The following ANO4 variants were observed in gnomAD, a reference collection of about 807,000 sequenced individuals.
ANO4 encodes anoctamin 4.
A neutral mutation model predicts 141.9 loss-of-function variants in ANO4; 69 were observed. That is an observed-to-expected ratio of 0.49 (90% CI 0.40 to 0.59). ANO4 has a LOEUF of 0.59. Among genes scored for constraint, ANO4 ranks in the 20% least tolerant of loss-of-function variants. ANO4 has a pLI of 0.00. For missense variants in ANO4, 894 were observed against 1,162.2 expected, an observed-to-expected ratio of 0.77 and a Z score of 3.36; for synonymous variants, 350 against 394.3, an observed-to-expected ratio of 0.89 and a Z score of 1.33.
At chr12:100,718,000 TCTGA>T (rs1167539598) in intron 1 of ANO4, among the ~76,000 whole-genome samples, 1 of 152,186 alleles carries the variant, frequency 6.6e-6, no homozygotes, top group Non-Finnish European at 1.5e-5. Context: ...AGAACATCTC[TCTGA>T]CAGATGCTGT....
chr12:100,730,943 C>T (rs2031356829), intron 1 of ANO4, among the ~76,000 whole-genome samples: 1 of 152,174 alleles, frequency 6.6e-6, no homozygotes, highest in Admixed American at 6.5e-5. Flanking sequence ...TTTGTCAATA[C>T]TTCCCAACTG....
chr12:101,099,299 T>G (rs912007917), intron 21 of ANO4, among the ~76,000 whole-genome samples: 1 of 152,166 alleles, frequency 6.6e-6, no homozygotes, highest in Non-Finnish European at 1.5e-5. Context: ...TTATAGATAT[T>G]CTCAGTCCTC....
chr12:101,026,891 T>C (rs1057110002), intron 9 of ANO4, among the ~76,000 whole-genome samples: 5 of 152,096 alleles, frequency 3.3e-5, no homozygotes, highest in African/African-American at 1.2e-4. Context: ...GACTTCAAAA[T>C]TAAAACTTCC....
chr12:101,042,045 C>G (rs2136625121), intron 11 of ANO4, among the ~76,000 whole-genome samples: 1 of 152,310 alleles, frequency 6.6e-6, no homozygotes, highest in Middle Eastern at 3.4e-3. Context: ...CCTGGTTGGT[C>G]TCCCTTTGCC....
chr12:101,103,183 TTATATATATATATATATA>T (rs71091476), intron 22 of ANO4, among the ~76,000 whole-genome samples: 5 of 18,584 alleles, frequency 2.7e-4, no homozygotes, highest in African/African-American at 1.0e-3. Context: ...TTTAGTCATT[TTATATATATATATATATA>T]TATATATATA....
intron 3 of ANO4, among the ~76,000 whole-genome samples, chr12:100,935,405 C>T (rs1365123858): frequency 1.3e-5 from 2 of 152,144 alleles, no homozygotes; most frequent in Admixed American, 1.3e-4. Flanking sequence ...TATTGTTTTG[C>T]ATATGTTGAA....
chr12:100,836,280 T>C (rs2036906276), intron 1 of ANO4, among the ~76,000 whole-genome samples: 1 of 152,146 alleles, frequency 6.6e-6, no homozygotes, highest in Admixed American at 6.5e-5. Flanking sequence ...TTGAAAAATA[T>C]GTGTCTGCCA....
At chr12:100,894,953 G>A (rs1321431669) in intron 1 of ANO4, among the ~76,000 whole-genome samples, 1 of 137,058 alleles carries the variant, frequency 7.3e-6, no homozygotes, top group Non-Finnish European at 1.5e-5. Context: ...GCGACAGAGC[G>A]AGACTCCATC....
intron 1 of ANO4, among the ~76,000 whole-genome samples, chr12:100,867,608 TCTCTCA>T (rs1446357173): frequency 2.1e-5 from 2 of 96,550 alleles, no homozygotes; most frequent in African/African-American, 3.7e-5. Context: ...TGTCTCTCTC[TCTCTCA>T]CACACACACA....
At chr12:100,957,009 TTC>T (rs2043198358) in intron 5 of ANO4, among the ~76,000 whole-genome samples, 1 of 152,190 alleles carries the variant, frequency 6.6e-6, no homozygotes, top group Admixed American at 6.5e-5. Flanking sequence ...GGAAAGGGAG[TTC>T]TAAATAAACT....
At chr12:100,930,513 G>T (rs2042048762) in intron 3 of ANO4, among the ~76,000 whole-genome samples, 1 of 152,024 alleles carries the variant, frequency 6.6e-6, no homozygotes, top group South Asian at 2.1e-4. Flanking sequence ...TTTGTTTTTG[G>T]GTTCTCTGTT....
At chr12:100,876,397 A>G (rs2039311938) in intron 1 of ANO4, among the ~76,000 whole-genome samples, 2 of 152,120 alleles carry the variant, frequency 1.3e-5, no homozygotes, top group Non-Finnish European at 2.9e-5. Flanking sequence ...TGAGCTGAAA[A>G]GAGGAGAGCT....
chr12:100,898,885 G>A (rs940946941), intron 1 of ANO4, among the ~76,000 whole-genome samples: 1 of 152,166 alleles, frequency 6.6e-6, no homozygotes, highest in Non-Finnish European at 1.5e-5. Flanking sequence ...CCCTTCATCT[G>A]TCATCCACAA....
chr12:101,043,166 A>G (rs1343913362), intron 12 of ANO4, among the ~76,000 whole-genome samples: 1 of 152,230 alleles, frequency 6.6e-6, no homozygotes, highest in Non-Finnish European at 1.5e-5. Context: ...TTAACTTATC[A>G]TACACATAGA....
At chr12:100,985,858 T>C (rs2044684080) in intron 7 of ANO4, among the ~76,000 whole-genome samples, 1 of 152,218 alleles carries the variant, frequency 6.6e-6, no homozygotes, top group East Asian at 1.9e-4. Flanking sequence ...ATAAATAATA[T>C]TATCTTCAGC....
At chr12:101,043,697 G>C in intron 13 of ANO4, 62 bp downstream of exon 13, 2 of 1,223,638 alleles carry the variant, frequency 1.6e-6, no homozygotes, top group Non-Finnish European at 2.4e-6. Context: ...CTGAGGGATG[G>C]TGGGTAACTC....
intron 3 of ANO4, among the ~76,000 whole-genome samples, chr12:100,938,195 C>T (rs1369905501): frequency 6.6e-6 from 1 of 152,206 alleles, no homozygotes; most frequent in East Asian, 1.9e-4. Flanking sequence ...ATCTCATCTA[C>T]GTAGATCATC....
chr12:100,726,349 T>C (rs1157017488), intron 1 of ANO4, among the ~76,000 whole-genome samples: 1 of 152,228 alleles, frequency 6.6e-6, no homozygotes, highest in Non-Finnish European at 1.5e-5. Context: ...TCAGCCTCAG[T>C]CTATGAATAT....
At chr12:100,868,523 G>A (rs184612804) in intron 1 of ANO4, among the ~76,000 whole-genome samples, 4 of 152,258 alleles carry the variant, frequency 2.6e-5, no homozygotes, top group African/African-American at 7.2e-5. Context: ...ATTTCTGATA[G>A]TTAAATGCCG....
Sources: allele counts gnomAD v4.1 joint callset (sites outside exome capture counted in the v4.1 genomes callset), GRCh38; gene constraint gnomAD v4.1.1; transcripts MANE v1.5; gene names NCBI Gene and HGNC (gene_info 2026-07-23, HGNC 2026-07-21).